MYO7A: variants seen among roughly 807,000 people sequenced by gnomAD.
MYO7A encodes unconventional myosin-VIIa.
MYO7A carries 210 observed loss-of-function variants against 263.8 expected under a neutral mutation model. The observed-to-expected ratio is 0.80, with a 90% CI of 0.71 to 0.89. The LOEUF is 0.89. MYO7A is among the 40% of genes least tolerant of loss of function. MYO7A has a pLI of 0.00. For synonymous variants in MYO7A, 1,239 were observed against 1,197.3 expected (o/e 1.03, Z -0.72); for missense variants, 2,820 against 2,968.3 (o/e 0.95, Z 1.16).
At position 77,166,445 on chromosome 11, in the gene MYO7A, T is replaced by C. The variant is rs10736813; in HGVS notation, c.1797+283T>C. Among the ~76,000 whole-genome samples the C allele has an allele frequency of 1, 152,272 of 152,278 alleles. 76,133 individuals carry two copies. The highest frequency in any genetic ancestry group is 1 in the Non-Finnish European group (68,028 of 68,028). ...TCAGGGATCGGTTTACTGTGGGGGT[T>C]CACCCCCTGGAATCCAGCTGCTAAA... On this transcript the variant is annotated intron_variant, in intron 15 of 48. Transcript: ENST00000409709.
At chr11:77,146,833 G>A (rs373726676) in intron 3 of MYO7A, among the ~76,000 whole-genome samples, 16 of 152,208 alleles carry the variant, frequency 1.1e-4, no homozygotes, top group African/African-American at 3.9e-4. Flanking sequence ...CTGAGAGTCT[G>A]GGATTTTGCA....
Position 77,162,911 on chromosome 11 carries a change from A to G in MYO7A, c.1613A>G (p.Tyr538Cys). Reference protein sequence around the residue: ...LNSQHKLNANYIPPKNNHETQ... With the variant: ...LNSQHKLNANCIPPKNNHETQ... ...TCCCAGCACAAGCTCAACGCCAACT[A>G]CATCCCCCCCAAGAACAACCATGAG... Residue 538 changes from tyrosine (Y) to cysteine (C), a missense_variant, in exon 14 of 49, where the codon TAC (tyrosine) becomes TGC (cysteine). Tyr to Cys is a radical substitution (Grantham distance 194, BLOSUM62 -2). Coordinates refer to ENST00000409709, the MANE Select transcript of MYO7A (RefSeq NM_000260.4). 6.2e-7 allele frequency: 1 copy of G among 1,613,738 alleles called. No homozygotes were observed. Among genetic ancestry groups the G allele is most frequent in the Non-Finnish European group, 8.5e-7 (1 of 1,179,826 alleles).
chr11:77,146,488 G>A (rs1299293099), intron 3 of MYO7A, among the ~76,000 whole-genome samples: 4 of 152,214 alleles, frequency 2.6e-5, no homozygotes, highest in Admixed American at 6.5e-5. Context: ...CTTGAGGGTG[G>A]CAAGGAGGGT....
chr11:77,170,780 T>A (rs1954016215), intron 15 of MYO7A, among the ~76,000 whole-genome samples: 1 of 151,966 alleles, frequency 6.6e-6, no homozygotes, highest in African/African-American at 2.4e-5. Flanking sequence ...CTGCAGGAAT[T>A]TGAGAGCAAT....
At chr11:77,190,173 TGTGTGCGCAC>T in intron 29 of MYO7A, 34 bp downstream of exon 29, 3 of 1,523,484 alleles carry the variant, frequency 2.0e-6, no homozygotes, top group Non-Finnish European at 2.7e-6. Flanking sequence ...CTCGTGTGCA[TGTGTGCGCAC>T]GTGTGTAAAT....
intron 39 of MYO7A, among the ~76,000 whole-genome samples, chr11:77,205,186 T>G (rs904875374): frequency 2.6e-5 from 4 of 152,236 alleles, no homozygotes; most frequent in Non-Finnish European, 5.9e-5. Flanking sequence ...GGCTTTTCAT[T>G]GTGGCATAAG....
chr11:77,153,714 C>A (rs1229663242), intron 4 of MYO7A, among the ~76,000 whole-genome samples: 1 of 152,166 alleles, frequency 6.6e-6, no homozygotes, highest in Admixed American at 6.5e-5. Context: ...GCCGGGGTGA[C>A]CTTTCACCAG....
chr11:77,181,599 T>A lies in MYO7A; in HGVS notation c.2904+10T>A. 6.2e-7 allele frequency: 1 copy of A among 1,611,884 alleles called. No homozygotes were observed. Among genetic ancestry groups the A allele is most frequent in the Non-Finnish European group, 8.5e-7 (1 of 1,179,260 alleles). The stretch of plus-strand genomic sequence containing the variant: ...ACCTAGTGGCTTTGAGGTACCAGGC[T>A]AGGGACAGGGGCTCCAGAGGCCCAC... On this transcript the variant is annotated intron_variant, in intron 23 of 48. Transcript: ENST00000409709.
chr11:77,172,771 G>C lies in MYO7A; in HGVS notation c.1821G>C (p.Ser607=), dbSNP rs397516288. 6.4e-7 allele frequency: 1 copy of C among 1,559,002 alleles called. No individual in the cohort carries two copies. The highest frequency in any genetic ancestry group is 1.4e-5 in the African/African-American group (1 of 73,314). ...VAMGAETRKR[S]PTLSSQFKRS... ...AGGGCGCCGAGACCAGGAAGCGCTC[G>C]CCCACACTTAGCAGCCAGTTCAAGC... Residue 607 remains serine (S), a synonymous_variant, in exon 16 of 49, where the codon TCG becomes TCC. Transcript: ENST00000409709.
At chr11:77,133,773 A>T (rs1038545725) in intron 2 of MYO7A, among the ~76,000 whole-genome samples, 7 of 152,248 alleles carry the variant, frequency 4.6e-5, no homozygotes, top group African/African-American at 1.7e-4. Context: ...CCATTTTGCT[A>T]TGTTTTCTGT....
intron 18 of MYO7A, among the ~76,000 whole-genome samples, chr11:77,177,255 G>A (rs1555080537): frequency 2.0e-5 from 3 of 152,162 alleles, no homozygotes; most frequent in South Asian, 4.1e-4. Flanking sequence ...GCAGATTGAC[G>A]ATAGGGAAGA....
Position 77,204,247 on chromosome 11 carries a change from GGCGGA to G in MYO7A, c.5480+19_5480+23del. The G allele has an allele frequency of 1.3e-6, 2 of 1,559,846 alleles. No homozygotes were observed. The highest frequency in any genetic ancestry group is 1.7e-6 in the Non-Finnish European group (2 of 1,152,036). ...CACATCAGGTGAGCCAGGCACAGTG[GGCGGA>G]TGAGGGGCAGACCTCACCTGCTGTG... On this transcript the variant is annotated intron_variant, in intron 39 of 48. Coordinates refer to ENST00000409709, the MANE Select transcript of MYO7A (RefSeq NM_000260.4).
rs116809646 is a variant in MYO7A, at chr11:77,186,595, C to T, written c.3503+1880C>T. Among the ~76,000 whole-genome samples, 286 of 152,334 alleles carry T rather than the reference C, an allele frequency of 1.9e-3. 1 individual carries two copies. The highest frequency in any genetic ancestry group is 6.3e-3 in the African/African-American group (261 of 41,582). On this transcript the variant is annotated intron_variant, in intron 27 of 48. Coordinates refer to ENST00000409709, the MANE Select transcript of MYO7A (RefSeq NM_000260.4). The stretch of plus-strand genomic sequence containing the variant: ...CGATCTCTGTGAGCCTCCAACTTAC[C>T]TTCTGCAACTTCCTTACCTCTCTCA...
At chr11:77,207,854 C>T (rs1011182148) in intron 42 of MYO7A, among the ~76,000 whole-genome samples, 2 of 152,216 alleles carry the variant, frequency 1.3e-5, no homozygotes, top group Non-Finnish European at 2.9e-5. Context: ...GGGTCTGGCT[C>T]TAAAGCCCAC....
At chr11:77,165,321 A>C in intron 14 of MYO7A, among the ~76,000 whole-genome samples, 2 of 151,168 alleles carry the variant, frequency 1.3e-5, no homozygotes, top group Non-Finnish European at 1.5e-5. Flanking sequence ...CTCTTGCCCC[A>C]CTCTACAACC....
chr11:77,193,854 C>T (rs1213192953), intron 31 of MYO7A, among the ~76,000 whole-genome samples: 1 of 152,108 alleles, frequency 6.6e-6, no homozygotes, highest in Non-Finnish European at 1.5e-5. Flanking sequence ...TAGATCCTGC[C>T]AGCTGTTAAC....
chr11:77,211,668 C>G (rs1015711657), intron 45 of MYO7A, among the ~76,000 whole-genome samples, 153 bp from the exon 46 acceptor site: 15 of 152,234 alleles, frequency 9.9e-5, no homozygotes, highest in African/African-American at 3.6e-4. Flanking sequence ...TTCACAGTCC[C>G]CAGGTCTGCT....
At chr11:77,185,415 A>G (rs60550199) in intron 27 of MYO7A, among the ~76,000 whole-genome samples, 9,398 of 152,310 alleles carry the variant, frequency 0.062, 940 homozygotes, top group African/African-American at 0.21. Context: ...CATTTCAACA[A>G]TGTTCACAGC....
chr11:77,166,157 G>A lies in MYO7A; in HGVS notation c.1792G>A (p.Ala598Thr), dbSNP rs566111152. The A allele has an allele frequency of 1.4e-5, 23 of 1,613,618 alleles. No homozygotes were observed. Among genetic ancestry groups the A allele is most frequent in the Admixed American group, 3.3e-5 (2 of 60,000 alleles). ...CAAGCAGATCTTCCAGGCCGATGTC[G>A]CCATGGTAAGCCGGGTGCGGTTTCT... ...FIKQIFQADV[A>T]MGAETRKRSP... is the part of the protein sequence containing the mutation. Residue 598 changes from alanine (A) to threonine (T), a missense_variant, in exon 15 of 49, where the codon GCC (alanine) becomes ACC (threonine). Ala to Thr is a moderately conservative substitution (Grantham distance 58). Coordinates refer to ENST00000409709, the MANE Select transcript of MYO7A (RefSeq NM_000260.4).
Sources: gnomAD v4.1 joint callset for allele counts (sites outside exome capture counted in the v4.1 genomes callset) on GRCh38, gnomAD v4.1.1 for gene constraint, MANE v1.5 for transcripts, NCBI Gene and HGNC (gene_info 2026-07-23, HGNC 2026-07-21) for gene names.